The following ALCAM variants were observed in gnomAD, a reference collection of about 807,000 sequenced individuals.
The protein encoded by ALCAM is activated leukocyte cell adhesion molecule.
ALCAM carries 30 observed loss-of-function variants against 70.9 expected under a neutral mutation model. The observed-to-expected ratio is 0.42, with a 90% CI of 0.32 to 0.57. The LOEUF (loss-of-function observed/expected upper bound fraction) is 0.57, where lower values mean the gene tolerates loss of function less well. Among genes scored for constraint, ALCAM ranks in the 20% least tolerant of loss-of-function variants. The probability of loss-of-function intolerance (pLI) is 0.11; values close to 1 mark genes in which losing one functional copy is unlikely to be tolerated. For missense variants in ALCAM, 591 were observed against 695.1 expected (o/e 0.85, Z 1.68); for synonymous variants, 249 against 242.5 (o/e 1.03, Z -0.25).
At chr3:105,468,690 A>G (rs1455314253) in intron 1 of ALCAM, among the ~76,000 whole-genome samples, 7 of 151,232 alleles carry the variant, frequency 4.6e-5, no homozygotes, top group African/African-American at 1.2e-4. Flanking sequence ...TCCATATGCA[A>G]TGACCAAGAG....
chr3:105,524,858 AT>A (rs1307345193), intron 3 of ALCAM: 9 of 1,015,994 alleles, frequency 8.9e-6, no homozygotes, highest in Admixed American at 5.3e-5. Context: ...GATATATGAT[AT>A]ATATGTAATC....
chr3:105,431,594 C>T (rs2107438059), intron 1 of ALCAM, among the ~76,000 whole-genome samples: 1 of 152,144 alleles, frequency 6.6e-6, no homozygotes, highest in African/African-American at 2.4e-5. Flanking sequence ...GACTGTAACT[C>T]CGTGGTGCCA....
At chr3:105,465,923 G>T (rs1248776389) in intron 1 of ALCAM, among the ~76,000 whole-genome samples, 2 of 151,340 alleles carry the variant, frequency 1.3e-5, no homozygotes, top group African/African-American at 2.4e-5. Context: ...GCAAGAAAAA[G>T]ACAGTTGTTG....
intron 11 of ALCAM, among the ~76,000 whole-genome samples, chr3:105,549,549 A>G (rs1342580007): frequency 6.6e-6 from 1 of 151,434 alleles, no homozygotes; most frequent in African/African-American, 2.4e-5. Context: ...GAAGGAATTA[A>G]ATGCAGTGAT....
At chr3:105,408,762 C>T (rs2107388964) in intron 1 of ALCAM, among the ~76,000 whole-genome samples, 1 of 152,188 alleles carries the variant, frequency 6.6e-6, no homozygotes, top group South Asian at 2.1e-4. Flanking sequence ...AGTAAACAGA[C>T]AACCCACTGA....
chr3:105,384,726 C>G (rs956686946), intron 1 of ALCAM, among the ~76,000 whole-genome samples: 1 of 151,402 alleles, frequency 6.6e-6, no homozygotes. Context: ...TAGTACTTTA[C>G]GAAAGAATGG....
At position 105,539,989 on chromosome 3, in the gene ALCAM, G is replaced by A. The variant is rs773767295; in HGVS notation, c.745G>A (p.Val249Met). The A allele has an allele frequency of 2.5e-6, 4 of 1,612,304 alleles. No homozygotes were observed. Among genetic ancestry groups the A allele is most frequent in the Non-Finnish European group, 3.4e-6 (4 of 1,178,814 alleles). Residue 249 changes from valine (V) to methionine (M), a missense_variant, in exon 7 of 16, where the codon GTG (valine) becomes ATG (methionine). Val to Met is a conservative substitution (Grantham distance 21). Coordinates refer to ENST00000306107, the MANE Select transcript of ALCAM (RefSeq NM_001627.4). ...AACTCTTACAGATCCTACAGAGCAG[G>A]TGACAATACAAGTGCTGCCACCAAA... ...VFDIYYPTEQ[V>M]TIQVLPPKNA...
In ALCAM at chr3:105,502,812, C is replaced by T. The variant is rs1015362404; in HGVS notation, c.74-17255C>T. 3.3e-5 allele frequency among the ~76,000 whole-genome samples: 5 copies of T among 152,176 alleles called. No homozygotes were observed. The East Asian group carries it at 5.8e-4, about 18-fold the overall frequency. On this transcript the variant is annotated intron_variant, in intron 1 of 15. Transcript: ENST00000306107. Reference sequence around the variant, plus strand: ...CAACTATCTTTGGTCACACTATCACCTAGAATTGGCTTTGTACTTTGTATC... The same window carrying T: ...CAACTATCTTTGGTCACACTATCACTTAGAATTGGCTTTGTACTTTGTATC...
At chr3:105,412,616 A>G (rs1936417848) in intron 1 of ALCAM, among the ~76,000 whole-genome samples, 1 of 152,118 alleles carries the variant, frequency 6.6e-6, no homozygotes, top group African/African-American at 2.4e-5. Context: ...TTTCTTTTAC[A>G]CGTGAGATGA....
At chr3:105,471,638 C>G (rs559043865) in intron 1 of ALCAM, among the ~76,000 whole-genome samples, 4 of 148,462 alleles carry the variant, frequency 2.7e-5, no homozygotes, top group Admixed American at 2.7e-4. Flanking sequence ...TCATGAAAAA[C>G]GACTTTTTGG....
chr3:105,420,107 A>C (rs1936609226), intron 1 of ALCAM, among the ~76,000 whole-genome samples: 1 of 151,844 alleles, frequency 6.6e-6, no homozygotes, highest in African/African-American at 2.4e-5. Context: ...AAAATAGCAA[A>C]TATAAAACAC....
At chr3:105,501,484 A>AATTTTTTTTAAAAAATTCTTAT (rs1938918619) in intron 1 of ALCAM, among the ~76,000 whole-genome samples, 1 of 152,138 alleles carries the variant, frequency 6.6e-6, no homozygotes, top group African/African-American at 2.4e-5. Context: ...ATTTTATTTG[A>AATTTTTTTTAAAAAATTCTTAT]CATCAGAAGA....
chr3:105,529,830 G>A (rs1284770840), intron 3 of ALCAM, among the ~76,000 whole-genome samples: 1 of 151,876 alleles, frequency 6.6e-6, no homozygotes, highest in Non-Finnish European at 1.5e-5. Flanking sequence ...AACATTACAG[G>A]GTTTACAAAG....
intron 8 of ALCAM, among the ~76,000 whole-genome samples, chr3:105,543,431 A>T (rs1330191228): frequency 6.6e-6 from 1 of 151,736 alleles, no homozygotes; most frequent in East Asian, 1.9e-4. Context: ...ATTTCAAGTA[A>T]ATCAACATCT....
At chr3:105,460,268 C>T (rs553586114) in intron 1 of ALCAM, among the ~76,000 whole-genome samples, 4 of 152,022 alleles carry the variant, frequency 2.6e-5, no homozygotes, top group South Asian at 4.2e-4. Context: ...TATAATTCAC[C>T]GCATTGCTTT....
chr3:105,374,585 C>T (rs1935330934), intron 1 of ALCAM, among the ~76,000 whole-genome samples: 1 of 152,098 alleles, frequency 6.6e-6, no homozygotes, highest in Admixed American at 6.6e-5. Context: ...GGTGCGATCT[C>T]TGCTCACTGC....
chr3:105,479,523 G>C (rs745576514), intron 1 of ALCAM, among the ~76,000 whole-genome samples: 2 of 152,040 alleles, frequency 1.3e-5, no homozygotes, highest in African/African-American at 2.4e-5. Flanking sequence ...AAAGCAAATG[G>C]AACATATGAA....
chr3:105,401,781 T>C (rs1936095445), intron 1 of ALCAM, among the ~76,000 whole-genome samples: 1 of 152,138 alleles, frequency 6.6e-6, no homozygotes, highest in African/African-American at 2.4e-5. Context: ...TTAGGTGTTC[T>C]GAAGCAAAGT....
intron 1 of ALCAM, among the ~76,000 whole-genome samples, chr3:105,484,962 G>A (rs186645288): frequency 2.6e-5 from 4 of 152,088 alleles, no homozygotes; most frequent in African/African-American, 7.2e-5. Context: ...GTGGGGGATA[G>A]GAAATAATAC....
Sources: gnomAD v4.1 joint callset for allele counts (sites outside exome capture counted in the v4.1 genomes callset) on GRCh38, gnomAD v4.1.1 for gene constraint, MANE v1.5 for transcripts, NCBI Gene and HGNC (gene_info 2026-07-23, HGNC 2026-07-21) for gene names.